The following LRRTM3 variants were observed in gnomAD, a reference collection of about 807,000 sequenced individuals.
The protein encoded by LRRTM3 is leucine rich repeat transmembrane neuronal 3, also known as leucine-rich repeat transmembrane neuronal protein 3.
A neutral mutation model predicts 44.7 loss-of-function variants in LRRTM3; 24 were observed. The ratio of observed to expected loss-of-function variants is 0.54; its 90% CI spans 0.39 to 0.76. The LOEUF is 0.76. Ranked by LOEUF, LRRTM3 falls within the 30% of genes least tolerant of loss-of-function variation. The pLI, the probability that LRRTM3 is intolerant of heterozygous loss-of-function variation, is 0.00. For missense variants in LRRTM3, 587 were observed against 702.2 expected (o/e 0.84, Z 1.85); for synonymous variants, 277 against 278.7 (o/e 0.99, Z 0.06).
intron 2 of LRRTM3, among the ~76,000 whole-genome samples, chr10:66,957,391 T>TGC (rs1295812219): frequency 1.4e-4 from 2 of 13,852 alleles, no homozygotes; most frequent in East Asian, 6.7e-3. Context: ...TGTATATATA[T>TGC]ACATATATAT....
At chr10:67,047,133 T>A (rs1223791093) in intron 2 of LRRTM3, among the ~76,000 whole-genome samples, 4 of 152,156 alleles carry the variant, frequency 2.6e-5, no homozygotes, top group Non-Finnish European at 2.9e-5. Context: ...ACACTTATCT[T>A]CTCCCATCCC....
chr10:67,044,839 C>A (rs1589653962), intron 2 of LRRTM3, among the ~76,000 whole-genome samples: 1 of 152,290 alleles, frequency 6.6e-6, no homozygotes, highest in South Asian at 2.1e-4. Context: ...ATCTAAGTAA[C>A]CTCAGCTCTG....
At chr10:67,004,211 T>A (rs1243445794) in intron 2 of LRRTM3, among the ~76,000 whole-genome samples, 1 of 152,178 alleles carries the variant, frequency 6.6e-6, no homozygotes, top group African/African-American at 2.4e-5. Context: ...AAGGCCTGAA[T>A]TTTGATTTCT....
At chr10:67,094,572 C>T (rs1385427823) in intron 2 of LRRTM3, among the ~76,000 whole-genome samples, 2 of 151,790 alleles carry the variant, frequency 1.3e-5, no homozygotes, top group East Asian at 3.9e-4. Context: ...AAGCATGGTG[C>T]CTCATATATC....
intron 2 of LRRTM3, among the ~76,000 whole-genome samples, chr10:67,025,142 A>G (rs1427517860): frequency 6.6e-6 from 1 of 151,236 alleles, no homozygotes; most frequent in East Asian, 1.9e-4. Flanking sequence ...AAACAAAAAA[A>G]AAAAAGAAAG....
intron 2 of LRRTM3, among the ~76,000 whole-genome samples, chr10:66,931,554 T>TA (rs1461889965): frequency 6.6e-6 from 1 of 152,218 alleles, no homozygotes; most frequent in African/African-American, 2.4e-5. Flanking sequence ...CAGTGACCTC[T>TA]AGTGTCTGGT....
chr10:67,096,640 C>A (rs10997505), intron 2 of LRRTM3, among the ~76,000 whole-genome samples: 84,215 of 151,642 alleles, frequency 0.56, 24,738 homozygotes, highest in African/African-American at 0.76. Context: ...GAAATGGGAA[C>A]TATCTCTAGA....
intron 2 of LRRTM3, among the ~76,000 whole-genome samples, chr10:67,029,918 C>A (rs951834413): frequency 6.6e-6 from 1 of 152,216 alleles, no homozygotes; most frequent in Non-Finnish European, 1.5e-5. Context: ...TATAGAACAG[C>A]CCCATGGCTG....
intron 2 of LRRTM3, among the ~76,000 whole-genome samples, chr10:67,022,135 A>T (rs1043367546): frequency 1.3e-5 from 2 of 152,276 alleles, no homozygotes; most frequent in Admixed American, 6.5e-5. Context: ...GTGGGAAAAA[A>T]ATATATATCA....
At chr10:66,988,736 C>A (rs1184715092) in intron 2 of LRRTM3, among the ~76,000 whole-genome samples, 2 of 152,102 alleles carry the variant, frequency 1.3e-5, no homozygotes, top group African/African-American at 2.4e-5. Context: ...TAAAATGAGA[C>A]CACAGCTAAG....
intron 2 of LRRTM3, among the ~76,000 whole-genome samples, chr10:67,061,821 C>T (rs1855771538): frequency 6.6e-6 from 1 of 152,104 alleles, no homozygotes; most frequent in Admixed American, 6.5e-5. Context: ...TCCTCATTGG[C>T]AGATAAGCAG....
intron 2 of LRRTM3, among the ~76,000 whole-genome samples, chr10:67,032,402 C>T (rs534422025): frequency 6.6e-6 from 1 of 152,118 alleles, no homozygotes; most frequent in Admixed American, 6.5e-5. Flanking sequence ...CCAATAAAAT[C>T]ATATTTAACG....
At chr10:66,980,779 T>C (rs945064917) in intron 2 of LRRTM3, among the ~76,000 whole-genome samples, 11 of 152,238 alleles carry the variant, frequency 7.2e-5, no homozygotes, top group African/African-American at 2.2e-4. Context: ...AACCTTCATG[T>C]ACAAGAGTGT....
intron 2 of LRRTM3, among the ~76,000 whole-genome samples, chr10:67,009,532 T>A (rs1046566992): frequency 6.6e-6 from 1 of 152,116 alleles, no homozygotes; most frequent in African/African-American, 2.4e-5. Context: ...TTTTTGTTTG[T>A]TTGTTTGTTT....
chr10:66,933,048 G>A (rs531494304), intron 2 of LRRTM3, among the ~76,000 whole-genome samples: 15 of 152,142 alleles, frequency 9.9e-5, no homozygotes, highest in African/African-American at 1.9e-4. Context: ...TTGGGAGGAC[G>A]AAATGTGAAA....
chr10:66,995,127 A>T (rs1398034523), intron 2 of LRRTM3, among the ~76,000 whole-genome samples: 2 of 152,172 alleles, frequency 1.3e-5, no homozygotes, highest in Non-Finnish European at 1.5e-5. Context: ...TCATTGCTTG[A>T]ATGTCACAGA....
intron 2 of LRRTM3, among the ~76,000 whole-genome samples, chr10:66,955,991 A>C (rs1176181815): frequency 6.6e-6 from 1 of 152,110 alleles, no homozygotes; most frequent in Non-Finnish European, 1.5e-5. Flanking sequence ...GGGGTGCTCA[A>C]ATCTAACTTG....
chr10:66,974,635 G>A (rs891753888), intron 2 of LRRTM3, among the ~76,000 whole-genome samples: 1 of 152,110 alleles, frequency 6.6e-6, no homozygotes, highest in Non-Finnish European at 1.5e-5. Context: ...TAATGTATAA[G>A]AGTTTCATTG....
Position 66,926,838 on chromosome 10 carries a change from G to T in LRRTM3, c.5-83G>T, listed in dbSNP as rs943886473. The T allele has an allele frequency of 2.4e-6, 3 of 1,235,960 alleles. No homozygotes were observed. In the African/African-American group the frequency reaches 4.6e-5, roughly 19 times the overall value. The allele number at this position is 1,235,960 out of a possible 1,614,324, so 76.6% of individuals were successfully genotyped here. On this transcript the variant is annotated intron_variant, in intron 1 of 2. Coordinates refer to ENST00000361320, the MANE Select transcript of LRRTM3 (RefSeq NM_178011.5). ...TATTTAGATTTAAATTTTTAAAAATGAAAAATATATGCCTATTTTTGCTTG... is the reference window on the plus strand; with the variant it reads ...TATTTAGATTTAAATTTTTAAAAATTAAAAATATATGCCTATTTTTGCTTG...
Sources: allele counts gnomAD v4.1 joint callset (sites outside exome capture counted in the v4.1 genomes callset), GRCh38; gene constraint gnomAD v4.1.1; transcripts MANE v1.5; gene names NCBI Gene and HGNC (gene_info 2026-07-23, HGNC 2026-07-21).